The following GOLGB1 variants were observed in gnomAD, a reference collection of about 807,000 sequenced individuals.
GOLGB1 encodes golgin B1.
Under a neutral mutation model 336.9 loss-of-function variants are expected in GOLGB1, and 174 were observed. The observed-to-expected ratio is 0.52, with a 90% CI of 0.46 to 0.59. The LOEUF (loss-of-function observed/expected upper bound fraction) is 0.59. GOLGB1 is among the 20% of genes least tolerant of loss of function. The probability of loss-of-function intolerance (pLI) is 0.00; values close to 1 mark genes in which losing one functional copy is unlikely to be tolerated. For synonymous variants in GOLGB1, 1,208 were observed against 1,289.2 expected (o/e 0.94, Z 1.35); for missense variants, 3,331 against 3,645.3 (o/e 0.91, Z 2.22).
At chr3:121,703,012 A>C (rs532650215) in intron 10 of GOLGB1, among the ~76,000 whole-genome samples, 1 of 152,224 alleles carries the variant, frequency 6.6e-6, no homozygotes, top group Non-Finnish European at 1.5e-5. Flanking sequence ...GAGGCAAAGG[A>C]ATATGTACCT....
chr3:121,727,320 A>ATTTTTTT (rs869189384), intron 4 of GOLGB1, among the ~76,000 whole-genome samples: 6 of 28,636 alleles, frequency 2.1e-4, no homozygotes, highest in Non-Finnish European at 1.8e-4. Flanking sequence ...ATATATATAT[A>ATTTTTTT]TTTTTTTTTT....
At position 121,719,669 on chromosome 3, in the gene GOLGB1, C is replaced by G. The variant is rs757452116; in HGVS notation, c.748G>C (p.Asp250His). 1.2e-6 allele frequency: 2 copies of G among 1,609,642 alleles called. No homozygotes were observed. The highest frequency in any genetic ancestry group is 1.7e-6 in the Non-Finnish European group (2 of 1,177,874). Reference protein sequence around the residue: ...DELLQLVTQADVETEMQQKLR... With the variant: ...DELLQLVTQAHVETEMQQKLR... ...ACCTGTTGCATCTCTGTTTCCACAT[C>G]TGCCTGGGTTACTAACTGAAGAAGC... The change falls in exon 7 of 22, where the codon GAT (aspartate) becomes CAT (histidine). Residue 250 changes from aspartate (D) to histidine (H), a missense_variant. Physicochemically the swap from Asp to His is moderately conservative, Grantham distance 81. Coordinates refer to ENST00000614479, the MANE Select transcript of GOLGB1 (RefSeq NM_001366282.2).
intron 8 of GOLGB1, among the ~76,000 whole-genome samples, chr3:121,717,951 T>C (rs576010508): frequency 3.1e-4 from 47 of 152,350 alleles, no homozygotes; most frequent in African/African-American, 1.1e-3. Context: ...TTTTATACAG[T>C]ATTTTAAATG....
chr3:121,700,453 A>T (rs1032948750), intron 11 of GOLGB1, among the ~76,000 whole-genome samples: 1 of 152,108 alleles, frequency 6.6e-6, no homozygotes, highest in Non-Finnish European at 1.5e-5. Context: ...GACAATGTGT[A>T]TATATTGAGC....
At chr3:121,716,686 A>C (rs539536146) in intron 9 of GOLGB1, 51 bp downstream of exon 9, 38 of 1,404,428 alleles carry the variant, frequency 2.7e-5, no homozygotes, top group Non-Finnish European at 3.4e-5. Context: ...TATGAAATAC[A>C]AGCCACTCAG....
intron 5 of GOLGB1, among the ~76,000 whole-genome samples, chr3:121,725,224 G>A (rs963356486): frequency 2.6e-5 from 4 of 152,174 alleles, no homozygotes; most frequent in Non-Finnish European, 5.9e-5. Flanking sequence ...GAACTATAGA[G>A]CTACCAGTGT....
Position 121,697,950 on chromosome 3 carries a change from C to T in GOLGB1, c.2573G>A (p.Arg858His), listed in dbSNP as rs777821844. ...KESEVLEGAE[R>H]VRHISSKVEE... Reference sequence around the variant, plus strand: ...CACTTTACTTGAGATATGCCTTACACGTTCTGCCCCCTCAAGCACTTCACT... The same window carrying T: ...CACTTTACTTGAGATATGCCTTACATGTTCTGCCCCCTCAAGCACTTCACT... Residue 858 changes from arginine (R) to histidine (H), a missense_variant, in exon 13 of 22, where the codon CGT becomes CAT. Coordinates refer to ENST00000614479, the MANE Select transcript of GOLGB1 (RefSeq NM_001366282.2). 2.1e-5 allele frequency: 34 copies of T among 1,614,012 alleles called. No individual in the cohort carries two copies. In the Admixed American group the frequency reaches 2.3e-4, roughly 11 times the overall value.
intron 1 of GOLGB1, among the ~76,000 whole-genome samples, chr3:121,744,502 C>A (rs1312627256): frequency 1.3e-5 from 2 of 149,766 alleles, no homozygotes; most frequent in Middle Eastern, 3.5e-3. Context: ...GCCTGCAGTC[C>A]CAGATATTCG....
At chr3:121,676,578 G>A (rs1940407389) in intron 17 of GOLGB1, among the ~76,000 whole-genome samples, 1 of 152,188 alleles carries the variant, frequency 6.6e-6, no homozygotes, top group South Asian at 2.1e-4. Context: ...TTCTTAAGAG[G>A]GTGGGGTAGG....
chr3:121,702,844 G>T (rs1943517482), intron 10 of GOLGB1, among the ~76,000 whole-genome samples: 1 of 152,198 alleles, frequency 6.6e-6, no homozygotes, highest in East Asian at 1.9e-4. Context: ...ATTGAAGCCT[G>T]GATTACAAAG....
intron 8 of GOLGB1, 130 bp downstream of exon 8, chr3:121,718,258 T>C (rs1944923912): frequency 3.2e-6 from 2 of 622,230 alleles, no homozygotes; most frequent in African/African-American, 1.9e-5. Flanking sequence ...TACGAGGTAT[T>C]TGTTGAAAGA....
In GOLGB1 at chr3:121,694,014, G is replaced by C; in HGVS notation, c.6509C>G (p.Thr2170Ser). 6.2e-7 allele frequency: 1 copy of C among 1,614,124 alleles called. No homozygotes were observed. The highest frequency in any genetic ancestry group is 8.5e-7 in the Non-Finnish European group (1 of 1,179,998). The change falls in exon 13 of 22, where the codon ACT becomes AGT. Residue 2170 changes from threonine to serine, a missense_variant. By Grantham distance (58) the Thr-to-Ser change is moderately conservative. Transcript: ENST00000614479. ...LEETIGEIQV[T>S]LNKKDKEVQQ... ...AACTTCCTTGTCTTTCTTGTTCAAA[G>C]TAACCTGAATCTCTCCAATTGTCTC...
rs773439135 is a variant in GOLGB1, at chr3:121,692,265, C to T, written c.7099G>A (p.Asp2367Asn). The T allele has an allele frequency of 6.2e-7, 1 of 1,607,438 alleles. No homozygotes were observed. The highest frequency in any genetic ancestry group is 1.3e-5 in the African/African-American group (1 of 74,422). The change falls in exon 14 of 22, where the codon GAT becomes AAT. Residue 2367 changes from aspartate (D) to asparagine (N), a missense_variant. By Grantham distance (23) the Asp-to-Asn change is conservative. Coordinates refer to ENST00000614479, the MANE Select transcript of GOLGB1 (RefSeq NM_001366282.2). ...SKFSYEQLET[D>N]LQASRELTSR... ...GTCAGTTCTCTGGAGGCCTGAAGAT[C>T]AGTCTCCAGTTGTTCATAACTGAAC... is the stretch of plus-strand genomic sequence containing the variant.
chr3:121,722,414 A>T (rs1161494185), intron 5 of GOLGB1, 36 bp from the exon 6 acceptor site: 7 of 1,128,702 alleles, frequency 6.2e-6, no homozygotes, highest in Non-Finnish European at 9.4e-6. Flanking sequence ...AAAAAAAATT[A>T]TTTAAGCAAA....
chr3:121,665,168 A>C lies in GOLGB1; in HGVS notation c.9555-137T>G. 5.0e-6 allele frequency: 3 copies of C among 604,744 alleles called. No homozygotes were observed. In the East Asian group the frequency reaches 8.4e-5, roughly 17 times the overall value. The allele number at this position is 604,744 out of a possible 1,614,324, so 37.5% of individuals were successfully genotyped here. A position where few individuals can be genotyped will look rare whatever the true frequency, so the allele number is the denominator to read the frequency against. On this transcript the variant is annotated intron_variant, in intron 20 of 21. Transcript: ENST00000614479. ...GCAAAAGCTGCTCCCATAAACCCAAACCCATGCAAGGGGGGTACCAGCAGA... is the reference window on the plus strand; with the variant it reads ...GCAAAAGCTGCTCCCATAAACCCAACCCCATGCAAGGGGGGTACCAGCAGA...
In GOLGB1 at chr3:121,665,029, A is replaced by G; in HGVS notation, c.9557T>C (p.Leu3186Ser). The G allele has an allele frequency of 6.3e-7, 1 of 1,586,856 alleles. No homozygotes were observed. Among genetic ancestry groups the G allele is most frequent in the Non-Finnish European group, 8.7e-7 (1 of 1,155,238 alleles). ...GGAAGAGTCCCATTCACTGTGCTCT[A>G]ACCTGAGTTGAGAAAAAAAAGAGGC... ...LSVAEEQIRR[L>S]EHSEWDSSRT... The change falls in exon 21 of 22, where the codon TTA becomes TCA. Residue 3186 changes from leucine to serine, a missense_variant and splice_region_variant. By Grantham distance (145) the Leu-to-Ser change is moderately radical. Coordinates refer to ENST00000614479, the MANE Select transcript of GOLGB1 (RefSeq NM_001366282.2).
At position 121,719,645 on chromosome 3, in the gene GOLGB1, C is replaced by A. The variant is rs1576422278; in HGVS notation, c.771+1G>T. 3 of 1,603,212 alleles carry A rather than the reference C, an allele frequency of 1.9e-6. No homozygotes were observed. Among genetic ancestry groups the A allele is most frequent in the East Asian group, 2.3e-5 (1 of 44,132 alleles). On this transcript the variant is annotated splice_donor_variant, in intron 7 of 21. Coordinates refer to ENST00000614479, the MANE Select transcript of GOLGB1 (RefSeq NM_001366282.2). LOFTEE classifies it high-confidence loss of function. The stretch of plus-strand genomic sequence containing the variant: ...CATTCTACCGAGTTTTAGCAACACA[C>A]CTGTTGCATCTCTGTTTCCACATCT...
At chr3:121,676,156 A>G (rs1395435951) in intron 17 of GOLGB1, among the ~76,000 whole-genome samples, 1 of 152,258 alleles carries the variant, frequency 6.6e-6, no homozygotes, top group Non-Finnish European at 1.5e-5. Context: ...ACTACATTTA[A>G]TAAGTACCCT....
intron 20 of GOLGB1, 141 bp downstream of exon 20, chr3:121,667,335 C>A: frequency 1.2e-6 from 1 of 807,762 alleles, no homozygotes. Context: ...CTTGGGTGAC[C>A]ACAATGTTGG....
Sources: allele counts gnomAD v4.1 joint callset (sites outside exome capture counted in the v4.1 genomes callset), GRCh38; gene constraint gnomAD v4.1.1; transcripts MANE v1.5; gene names NCBI Gene and HGNC (gene_info 2026-07-23, HGNC 2026-07-21).